Variants in RHOA observed in about 807,000 individuals in gnomAD.
RHOA encodes the protein transforming protein RhoA.
In RHOA, 3 loss-of-function variants were observed where a neutral mutation model predicts 17.5. The ratio of observed to expected loss-of-function variants is 0.17; its 90% CI spans 0.08 to 0.44. RHOA has a LOEUF of 0.44. RHOA is among the 20% of genes least tolerant of loss of function. The pLI is 0.99. For missense variants in RHOA, 56 were observed against 242.3 expected, an observed-to-expected ratio of 0.23 and a Z score of 5.10; for synonymous variants, 98 against 88.4, an observed-to-expected ratio of 1.11 and a Z score of -0.61.
intron 1 of RHOA, among the ~76,000 whole-genome samples, chr3:49,399,972 G>A (rs1412022672): frequency 6.6e-6 from 1 of 151,970 alleles, no homozygotes; most frequent in Non-Finnish European, 1.5e-5. Flanking sequence ...TGTAATCCCA[G>A]CACGTTGGGA....
At chr3:49,409,383 A>T (rs1278945047) in intron 1 of RHOA, among the ~76,000 whole-genome samples, 1 of 152,104 alleles carries the variant, frequency 6.6e-6, no homozygotes, top group African/African-American at 2.4e-5. Context: ...CAACAGAGTG[A>T]GACTCCATTT....
chr3:49,385,677 C>T (rs995411559), intron 1 of RHOA, among the ~76,000 whole-genome samples: 1 of 151,428 alleles, frequency 6.6e-6, no homozygotes, highest in Admixed American at 6.6e-5. Context: ...AATTCAAGGT[C>T]GTAAAAAAAA....
chr3:49,397,426 A>G (rs542709344), intron 1 of RHOA, among the ~76,000 whole-genome samples: 93 of 152,222 alleles, frequency 6.1e-4, no homozygotes, highest in African/African-American at 2.1e-3. Context: ...ATATACTAAA[A>G]CCCACCAAAC....
intron 1 of RHOA, among the ~76,000 whole-genome samples, chr3:49,403,228 C>T (rs1161082548): frequency 6.6e-6 from 1 of 152,084 alleles, no homozygotes; most frequent in Non-Finnish European, 1.5e-5. Flanking sequence ...GTCCCAGCTA[C>T]TCAGGAGGCT....
At chr3:49,363,394 C>T (rs576936194) in intron 3 of RHOA, among the ~76,000 whole-genome samples, 1 of 151,984 alleles carries the variant, frequency 6.6e-6, no homozygotes, top group Non-Finnish European at 1.5e-5. Flanking sequence ...CACTCCTGGG[C>T]GACAGAGCAA....
intron 1 of RHOA, among the ~76,000 whole-genome samples, chr3:49,378,434 A>G (rs2048268137): frequency 6.6e-6 from 1 of 151,670 alleles, no homozygotes; most frequent in Admixed American, 6.6e-5. Flanking sequence ...TTTGGCAGAG[A>G]CAGGGTTTTG....
At chr3:49,385,690 T>C (rs1379329398) in intron 1 of RHOA, among the ~76,000 whole-genome samples, 1 of 149,620 alleles carries the variant, frequency 6.7e-6, no homozygotes, top group East Asian at 1.9e-4. Flanking sequence ...AAAAAAAATA[T>C]ATATGCTTCT....
At chr3:49,387,154 A>C (rs1308463848) in intron 1 of RHOA, among the ~76,000 whole-genome samples, 13 of 89,012 alleles carry the variant, frequency 1.5e-4, no homozygotes, top group Admixed American at 4.6e-4. Flanking sequence ...AAAAAAAAAA[A>C]AAAAAACAGG....
intron 3 of RHOA, among the ~76,000 whole-genome samples, chr3:49,365,505 T>C (rs534619017): frequency 8.5e-5 from 13 of 152,126 alleles, no homozygotes; most frequent in African/African-American, 3.1e-4. Context: ...ATTATACCAA[T>C]AGTCTACCCC....
chr3:49,361,320 A>G (rs1382583772), intron 4 of RHOA, among the ~76,000 whole-genome samples: 3 of 152,192 alleles, frequency 2.0e-5, no homozygotes. Flanking sequence ...ACATTCAGAC[A>G]GAGAAACCTG....
chr3:49,364,615 C>A (rs570777543), intron 3 of RHOA, among the ~76,000 whole-genome samples: 1 of 151,690 alleles, frequency 6.6e-6, no homozygotes, highest in African/African-American at 2.4e-5. Flanking sequence ...GAGCCAAGAT[C>A]GTGCCACTGC....
At position 49,368,555 on chromosome 3, in the gene RHOA, T is replaced by C. The variant is rs1426465620; in HGVS notation, c.157-7A>G. Reference sequence around the variant, plus strand: ...CCCACAAAGCCAACTCTACCTGTAATGGGAAAAACAACCACAAGAGTGCAA... The same window carrying C: ...CCCACAAAGCCAACTCTACCTGTAACGGGAAAAACAACCACAAGAGTGCAA... On this transcript the variant is annotated splice_region_variant and splice_polypyrimidine_tract_variant and intron_variant, in intron 2 of 4. Transcript: ENST00000418115. 6.2e-7 allele frequency: 1 copy of C among 1,613,934 alleles called. No individual in the cohort carries two copies.
chr3:49,405,257 C>CAAAA (rs56912055), intron 1 of RHOA, among the ~76,000 whole-genome samples: 6 of 110,006 alleles, frequency 5.5e-5, no homozygotes, highest in South Asian at 3.4e-4. Flanking sequence ...GACTGTGTCT[C>CAAAA]AAAAAAAAAA....
intron 1 of RHOA, among the ~76,000 whole-genome samples, chr3:49,398,344 CTT>C (rs1427945672): frequency 1.3e-5 from 2 of 150,560 alleles, no homozygotes; most frequent in African/African-American, 2.4e-5. Context: ...CAGAGCAAGA[CTT>C]TGTCAAAAAA....
chr3:49,403,405 A>G (rs2048760170), intron 1 of RHOA, among the ~76,000 whole-genome samples: 1 of 152,172 alleles, frequency 6.6e-6, no homozygotes, highest in Non-Finnish European at 1.5e-5. Context: ...TTACTTGGGT[A>G]TACACATTCA....
At chr3:49,371,230 C>A (rs1575649780) in intron 2 of RHOA, among the ~76,000 whole-genome samples, 1 of 151,828 alleles carries the variant, frequency 6.6e-6, no homozygotes, top group Non-Finnish European at 1.5e-5. Context: ...CTCTTGGTAC[C>A]ATGATCACCT....
At chr3:49,404,815 G>A (rs1041061758) in intron 1 of RHOA, among the ~76,000 whole-genome samples, 1 of 150,676 alleles carries the variant, frequency 6.6e-6, no homozygotes, top group African/African-American at 2.4e-5. Context: ...GCATGCACCT[G>A]TAGTCCCAGT....
At chr3:49,408,299 T>C (rs555836358) in intron 1 of RHOA, among the ~76,000 whole-genome samples, 1 of 149,298 alleles carries the variant, frequency 6.7e-6, no homozygotes, top group Non-Finnish European at 1.5e-5. Flanking sequence ...TATATATACA[T>C]ATACACACAC....
At chr3:49,411,678 C>G (rs2048939736) in intron 1 of RHOA, 142 bp downstream of exon 1, 1 of 152,238 alleles carries the variant, frequency 6.6e-6, no homozygotes, top group African/African-American at 2.4e-5. Flanking sequence ...GGAGTCAGGT[C>G]AAGGGTCAGG....
Sources: allele counts gnomAD v4.1 joint callset (sites outside exome capture counted in the v4.1 genomes callset), GRCh38; gene constraint gnomAD v4.1.1; transcripts MANE v1.5; gene names NCBI Gene and HGNC (gene_info 2026-07-23, HGNC 2026-07-21).